TPP2: variants seen among roughly 807,000 people sequenced by gnomAD.
The protein encoded by TPP2 is tripeptidyl-peptidase 2.
In TPP2, 34 loss-of-function variants were observed where a neutral mutation model predicts 155.9. That is an observed-to-expected ratio of 0.22 (90% confidence interval 0.17 to 0.29). TPP2 has a LOEUF of 0.29. Among genes scored for constraint, TPP2 ranks in the 10% least tolerant of loss-of-function variants. The pLI, the probability that TPP2 is intolerant of heterozygous loss-of-function variation, is 1.00. For missense variants in TPP2, 1,028 were observed against 1,522.3 expected, an observed-to-expected ratio of 0.68 and a Z score of 5.40; for synonymous variants, 510 against 529.4, an observed-to-expected ratio of 0.96 and a Z score of 0.50.
At position 102,638,285 on chromosome 13, in the gene TPP2, G is replaced by C. The variant is rs747211142; in HGVS notation, c.1883G>C (p.Arg628Thr). Residue 628 changes from arginine to threonine, a missense_variant, in exon 15 of 30, where the codon AGA becomes ACA. By Grantham distance (71) the Arg-to-Thr change is moderately conservative. Transcript: ENST00000376052. ...TCCCCTAACGCAGGTCCGCTCTTCA[G>C]AGTTCCGATCACTGCAGTTATAGCA... ...IASPNAGPLF[R>T]VPITAVIAAK... is the part of the protein sequence containing the mutation. 6.2e-7 allele frequency: 1 copy of C among 1,613,044 alleles called. No individual in the cohort carries two copies. Among genetic ancestry groups the C allele is most frequent in the South Asian group, 1.1e-5 (1 of 91,080 alleles).
At chr13:102,645,064 C>T in intron 19 of TPP2, 55 bp downstream of exon 19, 1 of 1,501,126 alleles carries the variant, frequency 6.7e-7, no homozygotes. Context: ...GGGGGGATCT[C>T]TTACACTCTT....
rs1885413051 is a variant in TPP2, at chr13:102,678,208, T to C, written c.3700-19T>C. The C allele has an allele frequency of 6.3e-7, 1 of 1,592,518 alleles. No individual in the cohort carries two copies. Among genetic ancestry groups the C allele is most frequent in the Non-Finnish European group, 8.6e-7 (1 of 1,169,312 alleles). On this transcript the variant is annotated intron_variant, in intron 29 of 29. Transcript: ENST00000376052. The stretch of plus-strand genomic sequence containing the variant: ...CTGTCACTTCCTTTATAATAATATA[T>C]TATTGTATTTTGTTGTAGCTGATGA...
chr13:102,599,433 G>A (rs1879258001), intron 1 of TPP2, among the ~76,000 whole-genome samples: 1 of 152,038 alleles, frequency 6.6e-6, no homozygotes, highest in Non-Finnish European at 1.5e-5. Context: ...GTAGATATAT[G>A]TGTACATCAT....
intron 7 of TPP2, 63 bp from the exon 8 acceptor site, chr13:102,627,785 T>C: frequency 8.0e-7 from 1 of 1,244,612 alleles, no homozygotes. Flanking sequence ...TATGCCCTTA[T>C]TTTACTGGCT....
chr13:102,628,187 G>A (rs57139591), intron 8 of TPP2, among the ~76,000 whole-genome samples: 25,278 of 152,028 alleles, frequency 0.17, 2,788 homozygotes, highest in African/African-American at 0.31. Context: ...GAGCATGCCT[G>A]TGCTGTCCTT....
At chr13:102,641,733 G>A (rs544124405) in intron 16 of TPP2, among the ~76,000 whole-genome samples, 1 of 152,322 alleles carries the variant, frequency 6.6e-6, no homozygotes, top group Non-Finnish European at 1.5e-5. Flanking sequence ...AGCTAAAGCA[G>A]TGAATTGAAC....
At chr13:102,651,219 C>G in intron 23 of TPP2, 140 bp from the exon 24 acceptor site, 1 of 749,872 alleles carries the variant, frequency 1.3e-6, no homozygotes, top group Non-Finnish European at 2.0e-6. Flanking sequence ...TAAAAGCATG[C>G]CATCTTAATC....
intron 1 of TPP2, among the ~76,000 whole-genome samples, chr13:102,604,227 A>G (rs1879645602): frequency 6.6e-6 from 1 of 152,136 alleles, no homozygotes. Context: ...CTAAAGCTCT[A>G]AACTTGTCCA....
At chr13:102,638,673 T>C (rs1882552672) in intron 15 of TPP2, among the ~76,000 whole-genome samples, 1 of 152,224 alleles carries the variant, frequency 6.6e-6, no homozygotes, top group Non-Finnish European at 1.5e-5. Context: ...CTGCCCTTTT[T>C]GTCTCTGTCG....
chr13:102,603,577 GA>G, intron 1 of TPP2, among the ~76,000 whole-genome samples: 1 of 152,294 alleles, frequency 6.6e-6, no homozygotes, highest in South Asian at 2.1e-4. Context: ...TTCAGGAATT[GA>G]AAGGAGGTTG....
chr13:102,658,665 G>A (rs1449405609), intron 25 of TPP2, among the ~76,000 whole-genome samples: 1 of 152,202 alleles, frequency 6.6e-6, no homozygotes, highest in East Asian at 1.9e-4. Flanking sequence ...GCAAGAGTCT[G>A]TGATATTTGA....
At chr13:102,670,205 A>G (rs927155782) in intron 27 of TPP2, among the ~76,000 whole-genome samples, 3 of 152,148 alleles carry the variant, frequency 2.0e-5, no homozygotes, top group South Asian at 2.1e-4. Flanking sequence ...TTTTGTAGGC[A>G]TAACTACAGG....
intron 25 of TPP2, among the ~76,000 whole-genome samples, chr13:102,662,201 G>T (rs1884275259): frequency 6.6e-6 from 1 of 152,206 alleles, no homozygotes; most frequent in Non-Finnish European, 1.5e-5. Context: ...TAAATGTCCA[G>T]AATGAGGAAA....
In TPP2 at chr13:102,629,566, G is replaced by C. The variant is rs993931187; in HGVS notation, c.1101G>C (p.Leu367=). The change falls in exon 9 of 30, where the codon CTG becomes CTC. Residue 367 remains leucine (L), a synonymous_variant. Transcript: ENST00000376052. ...VSSAGNNGPC[L]STVGCPGGTT... ...GTGCTGGAAATAATGGTCCATGCCT[G>C]TCTACAGTTGGTTGTCCAGGTGGAA... The C allele has an allele frequency of 6.4e-7, 1 of 1,555,554 alleles. No individual in the cohort carries two copies. Among genetic ancestry groups the C allele is most frequent in the Non-Finnish European group, 8.6e-7 (1 of 1,159,864 alleles).
intron 27 of TPP2, among the ~76,000 whole-genome samples, chr13:102,670,884 A>T (rs1884932230): frequency 6.6e-6 from 1 of 152,222 alleles, no homozygotes; most frequent in Non-Finnish European, 1.5e-5. Flanking sequence ...TTCAGGTGCT[A>T]TGATTAAACC....
intron 25 of TPP2, among the ~76,000 whole-genome samples, chr13:102,663,134 T>A (rs199587762): frequency 6.4e-4 from 28 of 44,004 alleles, no homozygotes; most frequent in South Asian, 1.0e-3. Context: ...TTATTTATTT[T>A]TTTTAATTAA....
chr13:102,604,558 C>A lies in TPP2; in HGVS notation c.166-235C>A, dbSNP rs372475015. Among the ~76,000 whole-genome samples the A allele has an allele frequency of 5.3e-5, 8 of 152,140 alleles. No homozygotes were observed. In the South Asian group the frequency reaches 1.7e-3, roughly 31 times the overall value. Reference sequence around the variant, plus strand: ...AATAGGGTGTGGTCTATAGTAAATGCTCAGTAAATATTTGTTTATTGAATA... The same window carrying A: ...AATAGGGTGTGGTCTATAGTAAATGATCAGTAAATATTTGTTTATTGAATA... On this transcript the variant is annotated intron_variant, in intron 1 of 29. Transcript: ENST00000376052.
intron 24 of TPP2, among the ~76,000 whole-genome samples, chr13:102,654,321 T>A (rs930439790): frequency 6.6e-6 from 1 of 152,160 alleles, no homozygotes; most frequent in Non-Finnish European, 1.5e-5. Flanking sequence ...ATTTGATATA[T>A]TTAACATGTA....
chr13:102,639,738 C>T (rs927355512), intron 15 of TPP2, among the ~76,000 whole-genome samples: 38 of 152,156 alleles, frequency 2.5e-4, no homozygotes, highest in African/African-American at 8.7e-4. Context: ...AATTTGTTTC[C>T]GTGGTGGGTA....
Sources: allele counts gnomAD v4.1 joint callset (sites outside exome capture counted in the v4.1 genomes callset), GRCh38; gene constraint gnomAD v4.1.1; transcripts MANE v1.5; gene names NCBI Gene and HGNC (gene_info 2026-07-23, HGNC 2026-07-21).